The following IFI16 variants were observed in gnomAD, a reference collection of about 807,000 sequenced individuals.
IFI16 encodes the protein gamma-interferon-inducible protein 16.
In IFI16, 49 loss-of-function variants were observed where a neutral mutation model predicts 68.4. That is an observed-to-expected ratio of 0.72 (90% CI 0.57 to 0.91). The LOEUF is 0.91. Ranked by LOEUF, IFI16 falls within the 40% of genes least tolerant of loss-of-function variation. The pLI is 0.00. For missense variants in IFI16, 878 were observed against 942.9 expected, an observed-to-expected ratio of 0.93 and a Z score of 0.90; for synonymous variants, 307 against 315.0, an observed-to-expected ratio of 0.97 and a Z score of 0.27.
At chr1:159,049,130 C>T (rs1347240247) in intron 8 of IFI16, among the ~76,000 whole-genome samples, 1 of 149,692 alleles carries the variant, frequency 6.7e-6, no homozygotes, top group Non-Finnish European at 1.5e-5. Context: ...CCCAAAATAG[C>T]CCTAAGAGTT....
chr1:159,037,142 C>T (rs1015078828), intron 7 of IFI16, among the ~76,000 whole-genome samples: 3 of 152,148 alleles, frequency 2.0e-5, no homozygotes, highest in South Asian at 2.1e-4. Context: ...AGTTTTCTGA[C>T]GCATAATGAC....
intron 9 of IFI16, among the ~76,000 whole-genome samples, chr1:159,050,533 A>T (rs565727050): frequency 1.3e-5 from 2 of 152,310 alleles, no homozygotes; most frequent in Admixed American, 6.5e-5. Context: ...CATCAGAGTT[A>T]AAGCCATCAC....
intron 6 of IFI16, among the ~76,000 whole-genome samples, chr1:159,023,715 T>G (rs1448462440): frequency 6.6e-6 from 1 of 151,494 alleles, no homozygotes; most frequent in Non-Finnish European, 1.5e-5. Flanking sequence ...TTTGGCAGAG[T>G]GTCTAGTAAA....
upstream of IFI16, among the ~76,000 whole-genome samples, chr1:159,006,404 T>C (rs945440444): frequency 3.3e-5 from 5 of 152,168 alleles, no homozygotes; most frequent in Admixed American, 6.5e-5. Context: ...TAATTAGATA[T>C]AGGGTCTATG....
chr1:159,037,282 G>T (rs147598443), intron 7 of IFI16, among the ~76,000 whole-genome samples: 1 of 152,184 alleles, frequency 6.6e-6, no homozygotes, highest in South Asian at 2.1e-4. Flanking sequence ...AAAGAGGCAC[G>T]TGTCTCCATG....
intron 7 of IFI16, among the ~76,000 whole-genome samples, 171 bp from the exon 8 acceptor site, chr1:159,045,126 G>A (rs2101909342): frequency 6.6e-6 from 1 of 150,384 alleles, no homozygotes; most frequent in South Asian, 2.1e-4. Flanking sequence ...AGAAGGCTGA[G>A]TGATAGAAGT....
upstream of IFI16, among the ~76,000 whole-genome samples, chr1:159,005,712 T>C (rs1356930813): frequency 6.6e-6 from 1 of 152,214 alleles, no homozygotes; most frequent in African/African-American, 2.4e-5. Flanking sequence ...TTCTGGGAAC[T>C]GAGCTTAAAT....
chr1:159,021,939 CTTTTTTTTTTTTTTTTTTTTTTTTTTTTT>C (rs56149308), intron 6 of IFI16, among the ~76,000 whole-genome samples: 2 of 61,700 alleles, frequency 3.2e-5, no homozygotes, highest in Non-Finnish European at 2.9e-5. Flanking sequence ...GCCCTTAGCC[CTTTTTTTTTTTTTTTTTTTTTTTTTTTTT>C]TTTTTTTTTT....
At chr1:159,045,045 G>A (rs1571886459) in intron 7 of IFI16, among the ~76,000 whole-genome samples, 1 of 152,062 alleles carries the variant, frequency 6.6e-6, no homozygotes, top group East Asian at 1.9e-4. Flanking sequence ...TACAGGACGT[G>A]AAGACTGAGT....
In IFI16 at chr1:159,044,013, T is replaced by C. The variant is rs150372040; in HGVS notation, c.1330-1284T>C. 8.4e-3 allele frequency among the ~76,000 whole-genome samples: 1,285 copies of C among 152,292 alleles called. 13 individuals carry two copies. Among genetic ancestry groups the C allele is most frequent in the Non-Finnish European group, 0.014 (931 of 68,014 alleles). On this transcript the variant is annotated intron_variant, in intron 7 of 11. Coordinates refer to ENST00000295809, the MANE Select transcript of IFI16 (RefSeq NM_001376587.1). ...AGGGCATCATAAAGCATGAAATATCTGTTCACCGGAGCAGACATGCAAACC... is the reference window on the plus strand; with the variant it reads ...AGGGCATCATAAAGCATGAAATATCCGTTCACCGGAGCAGACATGCAAACC...
chr1:159,008,926 A>G (rs1340018065), upstream of IFI16: 2 of 151,892 alleles, frequency 1.3e-5, no homozygotes, highest in African/African-American at 4.8e-5. Flanking sequence ...CCCCTTTTCC[A>G]CTCATGACCA....
intron 6 of IFI16, among the ~76,000 whole-genome samples, chr1:159,029,822 A>G (rs1037996629): frequency 8.6e-5 from 13 of 152,014 alleles, no homozygotes; most frequent in African/African-American, 2.2e-4. Context: ...CTGGGATTAC[A>G]GGTGCCTGCC....
At chr1:159,049,675 C>A in intron 9 of IFI16, 76 bp downstream of exon 9, 8 of 1,576,028 alleles carry the variant, frequency 5.1e-6, no homozygotes, top group Non-Finnish European at 6.9e-6. Flanking sequence ...GTGAAAGCAC[C>A]TCACCAATCC....
At chr1:159,033,012 A>G (rs1200321303) in intron 7 of IFI16, among the ~76,000 whole-genome samples, 3 of 151,904 alleles carry the variant, frequency 2.0e-5, no homozygotes, top group African/African-American at 4.8e-5. Flanking sequence ...CAGATCCTAC[A>G]TTCCCGTTTC....
rs1653094639 is a variant in IFI16, at chr1:159,018,584, T to G, written c.905T>G (p.Leu302Arg). Reference sequence around the variant, plus strand: ...ATCATCAACAGAGCAAAGGAAACTCTGAAGATTGATATTCTTCACAAACAA... The same window carrying G: ...ATCATCAACAGAGCAAAGGAAACTCGGAAGATTGATATTCTTCACAAACAA... ...NKIINRAKET[L>R]KIDILHKQAS... Residue 302 changes from leucine (L) to arginine (R), a missense_variant, in exon 5 of 12, where the codon CTG becomes CGG. Physicochemically the swap from Leu to Arg is moderately radical, Grantham distance 102. Around this residue, in one of 4 missense-constraint regions of IFI16, gnomAD observed 443 missense variants for 421.8 expected, o/e 1.05. Transcript: ENST00000295809. 6.2e-7 allele frequency: 1 copy of G among 1,613,672 alleles called. No homozygotes were observed. The highest frequency in any genetic ancestry group is 8.5e-7 in the Non-Finnish European group (1 of 1,179,702).
chr1:159,048,129 A>C (rs1296694358), intron 8 of IFI16, among the ~76,000 whole-genome samples: 2 of 150,802 alleles, frequency 1.3e-5, no homozygotes, highest in African/African-American at 2.4e-5. Context: ...ACCTCCATAC[A>C]AGATTTCCAT....
chr1:159,000,496 C>T (rs1187706788), intron 1 of IFI16: 1 of 152,636 alleles, frequency 6.6e-6, no homozygotes, highest in Non-Finnish European at 1.5e-5. Context: ...CAAGATAGTC[C>T]TTCTTCCTGG....
At chr1:159,023,462 A>C (rs911924006) in intron 6 of IFI16, among the ~76,000 whole-genome samples, 1 of 152,210 alleles carries the variant, frequency 6.6e-6, no homozygotes, top group Admixed American at 6.5e-5. Flanking sequence ...AAAAAAATTT[A>C]TAGTTACTTA....
At chr1:159,002,553 A>G (rs899441709), upstream of IFI16, among the ~76,000 whole-genome samples, 4 of 150,600 alleles carry the variant, frequency 2.7e-5, no homozygotes, top group African/African-American at 7.3e-5. Context: ...TACCGTTACT[A>G]TTACCTCATA....
Sources: allele counts gnomAD v4.1 joint callset (sites outside exome capture counted in the v4.1 genomes callset), GRCh38; gene constraint gnomAD v4.1.1; regional missense constraint gnomAD v4.1.1; transcripts MANE v1.5; gene names NCBI Gene and HGNC (gene_info 2026-07-23, HGNC 2026-07-21).